NAV3: variants seen among roughly 807,000 people sequenced by gnomAD.
NAV3 encodes the protein neuron navigator 3, also known as pore membrane and/or filament interacting like protein 1.
Under a neutral mutation model 244.7 loss-of-function variants are expected in NAV3, and 87 were observed. The observed-to-expected ratio is 0.36, with a 90% CI of 0.30 to 0.42. NAV3 has a LOEUF of 0.42. Ranked by LOEUF, NAV3 falls within the 20% of genes least tolerant of loss-of-function variation. NAV3 has a pLI of 1.00. For missense variants in NAV3, 2,663 were observed against 2,893.3 expected (o/e 0.92, Z 1.83); for synonymous variants, 1,126 against 1,042.2 (o/e 1.08, Z -1.55).
At chr12:77,673,235 C>T (rs946493070) in intron 2 of NAV3, among the ~76,000 whole-genome samples, 1 of 152,086 alleles carries the variant, frequency 6.6e-6, no homozygotes. Context: ...TTTGGCTTTA[C>T]TATTCACACA....
rs115567194 is a variant in NAV3, at chr12:78,082,032, C to T, written c.2636+22917C>T. ...TGGACCCAGTGGGAGATAATTGAAT[C>T]ATGGGGACAGGGCTTTCCCATGCTG... On this transcript the variant is annotated intron_variant, in intron 12 of 39. Coordinates refer to ENST00000397909, the MANE Select transcript of NAV3 (RefSeq NM_001024383.2). Among the ~76,000 whole-genome samples, 238 of 152,278 alleles carry T rather than the reference C, an allele frequency of 1.6e-3. 3 individuals carry two copies. Among genetic ancestry groups the T allele is most frequent in the African/African-American group, 5.4e-3 (224 of 41,574 alleles).
Position 77,978,709 on chromosome 12 carries a change from A to G in NAV3, c.671+10007A>G, listed in dbSNP as rs149984984. On this transcript the variant is annotated intron_variant, in intron 5 of 39. Coordinates refer to ENST00000397909, the MANE Select transcript of NAV3 (RefSeq NM_001024383.2). Reference sequence around the variant, plus strand: ...CAGATTAATAAAGTCAATATTTATAATTTTGAATAAATTTTTAAAATTATA... The same window carrying G: ...CAGATTAATAAAGTCAATATTTATAGTTTTGAATAAATTTTTAAAATTATA... Among the ~76,000 whole-genome samples, 6 of 152,072 alleles carry G rather than the reference A, an allele frequency of 3.9e-5. No homozygotes were observed. The East Asian group carries it at 1.2e-3, about 29-fold the overall frequency.
chr12:77,729,024 T>C (rs1032326718), intron 2 of NAV3, among the ~76,000 whole-genome samples: 4 of 152,042 alleles, frequency 2.6e-5, no homozygotes, highest in Admixed American at 2.6e-4. Flanking sequence ...TTTCTTGATA[T>C]TTTATTTGTA....
intron 9 of NAV3, among the ~76,000 whole-genome samples, chr12:78,044,923 C>T (rs1881508847): frequency 6.6e-6 from 1 of 152,162 alleles, no homozygotes; most frequent in Non-Finnish European, 1.5e-5. Context: ...CACTTTATTT[C>T]TTTCTCTTGC....
intron 2 of NAV3, among the ~76,000 whole-genome samples, chr12:77,684,055 G>A (rs7302358): frequency 0.055 from 8,384 of 152,132 alleles, 528 homozygotes; most frequent in African/African-American, 0.16. Flanking sequence ...ACTCCCACTA[G>A]CAATATCTGA....
At chr12:78,195,902 AC>A (rs1218500437) in intron 34 of NAV3, among the ~76,000 whole-genome samples, 1 of 152,028 alleles carries the variant, frequency 6.6e-6, no homozygotes, top group Non-Finnish European at 1.5e-5. Flanking sequence ...CAGCCTGATT[AC>A]CCTTTTTAGT....
At chr12:77,887,060 G>A (rs1882030) in intron 1 of NAV3, among the ~76,000 whole-genome samples, 56,026 of 151,962 alleles carry the variant, frequency 0.37, 10,538 homozygotes, top group African/African-American at 0.44. Flanking sequence ...TTGACCTTGC[G>A]TTAGAGAAGA....
intron 2 of NAV3, among the ~76,000 whole-genome samples, chr12:77,823,871 T>A (rs1229479456): frequency 2.0e-5 from 3 of 152,146 alleles, no homozygotes; most frequent in African/African-American, 7.2e-5. Context: ...GCTCCATATG[T>A]TCAAGAAGGT....
intron 9 of NAV3, among the ~76,000 whole-genome samples, chr12:78,023,703 A>C (rs1877532446): frequency 6.6e-6 from 1 of 152,336 alleles, no homozygotes; most frequent in African/African-American, 2.4e-5. Flanking sequence ...ATTGAGTACT[A>C]TAATTGAAGA....
chr12:78,188,422 G>C (rs1958823214), intron 32 of NAV3, 79 bp downstream of exon 32: 2 of 1,289,282 alleles, frequency 1.6e-6, no homozygotes, highest in Admixed American at 2.0e-5. Flanking sequence ...CAATAGCAGA[G>C]ACACATCTTC....
chr12:77,702,566 T>C (rs1355263916), intron 2 of NAV3, among the ~76,000 whole-genome samples: 1 of 152,070 alleles, frequency 6.6e-6, no homozygotes, highest in Non-Finnish European at 1.5e-5. Flanking sequence ...ATTTGAATTT[T>C]TTATTATTCC....
chr12:77,664,649 A>T (rs1873633405), intron 2 of NAV3, among the ~76,000 whole-genome samples: 2 of 152,326 alleles, frequency 1.3e-5, no homozygotes, highest in South Asian at 4.1e-4. Flanking sequence ...TTCAAAAGTT[A>T]AGTGCTGTAT....
chr12:77,966,220 A>T lies in NAV3; in HGVS notation c.415-9A>T, dbSNP rs774412240. 6.2e-7 allele frequency: 1 copy of T among 1,613,048 alleles called. No homozygotes were observed. The highest frequency in any genetic ancestry group is 8.5e-7 in the Non-Finnish European group (1 of 1,179,508). Reference sequence around the variant, plus strand: ...CTAAGTTGCTTTTTCACTGCTTTTCATGTTGCAGATTGAAAATGTTGATGT... The same window carrying T: ...CTAAGTTGCTTTTTCACTGCTTTTCTTGTTGCAGATTGAAAATGTTGATGT... On this transcript the variant is annotated splice_polypyrimidine_tract_variant and intron_variant, in intron 3 of 39. Transcript: ENST00000397909.
intron 2 of NAV3, among the ~76,000 whole-genome samples, chr12:77,671,260 G>A (rs1258160604): frequency 1.3e-5 from 2 of 151,992 alleles, no homozygotes; most frequent in African/African-American, 4.8e-5. Context: ...AACAAAGGAG[G>A]TGAAAGACCT....
intron 12 of NAV3, among the ~76,000 whole-genome samples, chr12:78,110,608 C>T (rs1000092387): frequency 6.6e-6 from 1 of 151,448 alleles, no homozygotes; most frequent in African/African-American, 2.4e-5. Context: ...AAGCTGGAGA[C>T]TATAGTAGCC....
At chr12:77,611,452 C>A (rs1401918415) in intron 2 of NAV3, among the ~76,000 whole-genome samples, 1 of 151,714 alleles carries the variant, frequency 6.6e-6, no homozygotes, top group Non-Finnish European at 1.5e-5. Context: ...ATTTTTTCTC[C>A]TATAAAATAT....
intron 2 of NAV3, among the ~76,000 whole-genome samples, chr12:77,670,770 C>T (rs1221474264): frequency 6.6e-6 from 1 of 151,994 alleles, no homozygotes; most frequent in Non-Finnish European, 1.5e-5. Context: ...GCAAAATTGG[C>T]ATAGAAGGGG....
At chr12:77,696,262 T>C (rs1875292993) in intron 2 of NAV3, among the ~76,000 whole-genome samples, 1 of 152,192 alleles carries the variant, frequency 6.6e-6, no homozygotes, top group South Asian at 2.1e-4. Context: ...AGTATGCTAT[T>C]TCTATGATTA....
chr12:77,930,266 A>G (rs1888651095), intron 1 of NAV3, among the ~76,000 whole-genome samples: 2 of 152,114 alleles, frequency 1.3e-5, no homozygotes, highest in South Asian at 4.1e-4. Flanking sequence ...ATTTTCAGTG[A>G]AATCTATATT....
Sources: allele counts gnomAD v4.1 joint callset (sites outside exome capture counted in the v4.1 genomes callset), GRCh38; gene constraint gnomAD v4.1.1; transcripts MANE v1.5; gene names NCBI Gene and HGNC (gene_info 2026-07-23, HGNC 2026-07-21).